RCL1: variants seen among roughly 807,000 people sequenced by gnomAD.
RCL1 encodes the protein RNA terminal phosphate cyclase like 1.
Under a neutral mutation model 42.4 loss-of-function variants are expected in RCL1, and 24 were observed. The observed-to-expected ratio is 0.57, with a 90% CI of 0.41 to 0.80. The LOEUF is 0.80. RCL1 is among the 30% of genes least tolerant of loss of function. RCL1 has a pLI of 0.00. For synonymous variants in RCL1, 228 were observed against 177.3 expected (o/e 1.29, Z -2.27); for missense variants, 578 against 467.9 (o/e 1.24, Z -2.17).
At chr9:4,820,122 T>C (rs375449750) in intron 1 of RCL1, among the ~76,000 whole-genome samples, 1 of 152,354 alleles carries the variant, frequency 6.6e-6, no homozygotes, top group East Asian at 1.9e-4. Context: ...AATTATGTAT[T>C]CATAAACAGT....
intron 3 of RCL1, among the ~76,000 whole-genome samples, chr9:4,830,141 T>C (rs952457492): frequency 3.9e-5 from 6 of 152,164 alleles, no homozygotes; most frequent in African/African-American, 1.4e-4. Flanking sequence ...TTTGCCAGAG[T>C]TGAGTCAGAC....
At chr9:4,814,640 T>C (rs1405515589) in intron 1 of RCL1, among the ~76,000 whole-genome samples, 4 of 152,208 alleles carry the variant, frequency 2.6e-5, no homozygotes, top group African/African-American at 9.6e-5. Context: ...TGTTTGTCAT[T>C]GCAGTTTGAT....
At chr9:4,855,986 G>A (rs1306752023) in intron 8 of RCL1, among the ~76,000 whole-genome samples, 4 of 152,202 alleles carry the variant, frequency 2.6e-5, no homozygotes, top group African/African-American at 9.6e-5. Context: ...TTCAAGCACA[G>A]TTGAGTGATT....
chr9:4,855,393 T>C (rs1011707458), intron 8 of RCL1, among the ~76,000 whole-genome samples: 4 of 151,832 alleles, frequency 2.6e-5, no homozygotes, highest in Non-Finnish European at 5.9e-5. Flanking sequence ...GGCTGTGTGG[T>C]TGTGTCTAGG....
chr9:4,822,647 A>C (rs1047236455), intron 1 of RCL1, among the ~76,000 whole-genome samples: 9 of 151,906 alleles, frequency 5.9e-5, no homozygotes, highest in Non-Finnish European at 1.3e-4. Flanking sequence ...ACGAGACCCT[A>C]TCTCTACAAA....
chr9:4,801,995 GC>G (rs1221982235), intron 1 of RCL1, among the ~76,000 whole-genome samples: 6 of 151,082 alleles, frequency 4.0e-5, no homozygotes, highest in Admixed American at 4.0e-4. Flanking sequence ...TGCAGCCTCC[GC>G]CTGCCAGGTT....
At chr9:4,846,848 A>G (rs964949567) in intron 7 of RCL1, among the ~76,000 whole-genome samples, 3 of 151,982 alleles carry the variant, frequency 2.0e-5, no homozygotes, top group Non-Finnish European at 4.4e-5. Context: ...CTACCACTCC[A>G]CAAGAGGAAA....
At chr9:4,820,251 TG>T (rs953687902) in intron 1 of RCL1, among the ~76,000 whole-genome samples, 13 of 152,168 alleles carry the variant, frequency 8.5e-5, no homozygotes, top group African/African-American at 2.4e-4. Flanking sequence ...GGGAGGTGAA[TG>T]GGCAAGGAAT....
chr9:4,823,725 C>A lies in RCL1; in HGVS notation c.208+106C>A. On this transcript the variant is annotated intron_variant, in intron 2 of 8. Coordinates refer to ENST00000381750, the MANE Select transcript of RCL1 (RefSeq NM_005772.5). ...TTTTTCTAGTCAGTCTCTGCTTATC[C>A]AAATCACTCTTTTTAATGGTATAAA... 5.7e-6 allele frequency: 4 copies of A among 702,380 alleles called. No homozygotes were observed. The Admixed American group carries it at 1.1e-4, about 19-fold the overall frequency. 43.5% of individuals were successfully genotyped at this position (702,380 alleles called of 1,614,324 possible).
chr9:4,827,731 A>AGTGT (rs71326142), intron 3 of RCL1, among the ~76,000 whole-genome samples: 8,875 of 147,540 alleles, frequency 0.06, 771 homozygotes, highest in African/African-American at 0.2. Flanking sequence ...TCTAGGATGA[A>AGTGT]GTGTGTGTGT....
chr9:4,842,784 G>A (rs1367649746), intron 6 of RCL1, among the ~76,000 whole-genome samples: 1 of 152,162 alleles, frequency 6.6e-6, no homozygotes, highest in Non-Finnish European at 1.5e-5. Flanking sequence ...GGGGATTTCC[G>A]AGGGATGGGG....
chr9:4,847,115 G>T (rs1817545633), intron 7 of RCL1, among the ~76,000 whole-genome samples: 1 of 151,996 alleles, frequency 6.6e-6, no homozygotes, highest in Admixed American at 6.6e-5. Context: ...CTGACCTCAG[G>T]TGTTCCACCC....
intron 1 of RCL1, among the ~76,000 whole-genome samples, chr9:4,815,472 G>A (rs1028656395): frequency 1.4e-4 from 21 of 147,710 alleles, no homozygotes; most frequent in Admixed American, 1.4e-4. Flanking sequence ...TTTTGCAACT[G>A]CAAATTTTAA....
intron 8 of RCL1, among the ~76,000 whole-genome samples, chr9:4,858,484 T>C (rs1487521358): frequency 6.6e-6 from 1 of 152,238 alleles, no homozygotes; most frequent in Non-Finnish European, 1.5e-5. Flanking sequence ...TAGTGAACTT[T>C]ATAGTTTTAG....
intron 2 of RCL1, among the ~76,000 whole-genome samples, chr9:4,826,237 C>T (rs1816759386): frequency 6.6e-6 from 1 of 151,956 alleles, no homozygotes. Flanking sequence ...CAGAGCAAGA[C>T]CCTGTCTCAA....
chr9:4,859,003 C>G (rs1818063097), intron 8 of RCL1, among the ~76,000 whole-genome samples: 1 of 152,160 alleles, frequency 6.6e-6, no homozygotes, highest in Admixed American at 6.6e-5. Flanking sequence ...GACTGTGATT[C>G]TGGGCTCTTC....
chr9:4,860,344 C>T lies in RCL1; in HGVS notation c.*69C>T. ...AAGCTGCCACGGACACCAATGGGACCAAGTCCAAATGGATTAATCCAGGAC... is the reference window on the plus strand; with the variant it reads ...AAGCTGCCACGGACACCAATGGGACTAAGTCCAAATGGATTAATCCAGGAC... On this transcript the variant is annotated 3_prime_UTR_variant, in exon 9 of 9. Transcript: ENST00000381750. 6.6e-7 allele frequency: 1 copy of T among 1,525,440 alleles called. No homozygotes were observed. The highest frequency in any genetic ancestry group is 8.9e-7 in the Non-Finnish European group (1 of 1,124,122). The allele number at this position is 1,525,440 out of a possible 1,614,324, so 94.5% of individuals were successfully genotyped here.
At chr9:4,806,036 G>GTGTGTT (rs1563830165) in intron 1 of RCL1, among the ~76,000 whole-genome samples, 3 of 140,300 alleles carry the variant, frequency 2.1e-5, no homozygotes, top group African/African-American at 8.3e-5. Flanking sequence ...GTGTGTGTGT[G>GTGTGTT]TGTGTGTGTT....
At chr9:4,811,422 C>T (rs1038559153) in intron 1 of RCL1, among the ~76,000 whole-genome samples, 5 of 152,188 alleles carry the variant, frequency 3.3e-5, no homozygotes, top group African/African-American at 1.2e-4. Flanking sequence ...GCTATCCTTC[C>T]TTCTCCCCTC....
Sources: allele counts gnomAD v4.1 joint callset (sites outside exome capture counted in the v4.1 genomes callset), GRCh38; gene constraint gnomAD v4.1.1; transcripts MANE v1.5; gene names NCBI Gene and HGNC (gene_info 2026-07-23, HGNC 2026-07-21).